PHEX: variants seen among roughly 807,000 people sequenced by gnomAD.
PHEX encodes phosphate-regulating neutral endopeptidase PHEX.
Under a neutral mutation model 68.0 loss-of-function variants are expected in PHEX, and 16 were observed. That is an observed-to-expected ratio of 0.24 (90% CI 0.16 to 0.36). The LOEUF is 0.36. Ranked by LOEUF, PHEX falls within the 10% of genes least tolerant of loss-of-function variation. The probability of loss-of-function intolerance (pLI) is 1.00; values close to 1 mark genes in which losing one functional copy is unlikely to be tolerated. For synonymous variants in PHEX, 208 were observed against 205.1 expected (o/e 1.01, Z -0.12); for missense variants, 480 against 575.5 (o/e 0.83, Z 1.70).
At chrX:22,137,502 C>T (rs764081003) in intron 12 of PHEX, among the ~76,000 whole-genome samples, 12 of 111,235 alleles carry the variant, frequency 1.1e-4, no homozygotes, top group Non-Finnish European at 3.8e-5. Flanking sequence ...TTGCAGAGGG[C>T]GAAACAGAGG....
chrX:22,111,354 A>G, intron 9 of PHEX, 113 bp from the exon 10 acceptor site: 1 of 617,921 alleles, frequency 1.6e-6, no homozygotes, highest in East Asian at 3.3e-5. Context: ...GCATTTTTGT[A>G]TGAGTAAGAG....
Position 22,048,095 on chromosome X carries a change from A to G in PHEX, c.349+884A>G, listed in dbSNP as rs201037366. ...ATTTTCCCAAGATTTTAAATACATG[A>G]AAATTAAATATGTATCATTTTACAA... On this transcript the variant is annotated intron_variant, in intron 3 of 21. Coordinates refer to ENST00000379374, the MANE Select transcript of PHEX (RefSeq NM_000444.6). Among the ~76,000 whole-genome samples the G allele has an allele frequency of 7.4e-4, 82 of 111,554 alleles. No individual in the cohort carries two copies. In the East Asian group the frequency reaches 0.021, roughly 29 times the overall value.
intron 11 of PHEX, among the ~76,000 whole-genome samples, chrX:22,125,605 A>G: frequency 9.0e-6 from 1 of 111,151 alleles, no homozygotes; most frequent in Non-Finnish European, 1.9e-5. Flanking sequence ...CTTAGAATGG[A>G]CTAGGCTAAC....
intron 14 of PHEX, among the ~76,000 whole-genome samples, chrX:22,179,485 C>T (rs1461575801): frequency 9.2e-6 from 1 of 109,034 alleles, no homozygotes; most frequent in Non-Finnish European, 1.9e-5. Flanking sequence ...CCCCCTCCCA[C>T]TCTTTCCCCC....
At chrX:22,230,226 GCTCTT>G (rs1935668856) in intron 20 of PHEX, among the ~76,000 whole-genome samples, 1 of 65,193 alleles carries the variant, frequency 1.5e-5, no homozygotes, top group Non-Finnish European at 2.8e-5. Context: ...GGCTATATGG[GCTCTT>G]TTTTTTTTTT....
intron 8 of PHEX, among the ~76,000 whole-genome samples, chrX:22,098,795 C>CAAAAAAAAAAAA (rs746223770): frequency 5.3e-4 from 6 of 11,374 alleles, no homozygotes; most frequent in African/African-American, 8.8e-4. Context: ...GAGAATGTCT[C>CAAAAAAAAAAAA]AAAAAAAAAA....
intron 3 of PHEX, among the ~76,000 whole-genome samples, chrX:22,058,483 A>G (rs1928216896): frequency 8.9e-6 from 1 of 112,483 alleles, no homozygotes; most frequent in Non-Finnish European, 1.9e-5. Context: ...ATTGTGATCT[A>G]GTTTTTTTTC....
intron 13 of PHEX, among the ~76,000 whole-genome samples, chrX:22,177,983 T>A (rs1311890526): frequency 8.9e-6 from 1 of 112,418 alleles, no homozygotes; most frequent in Non-Finnish European, 1.9e-5. Context: ...TGAAGTAGAT[T>A]TTTCAATTAG....
At chrX:22,157,837 C>A (rs1932997490) in intron 12 of PHEX, among the ~76,000 whole-genome samples, 1 of 111,905 alleles carries the variant, frequency 8.9e-6, no homozygotes, top group South Asian at 3.7e-4. Flanking sequence ...TCTTTCCTGT[C>A]TTTTACTTCT....
chrX:22,036,345 C>T (rs1927021237), intron 1 of PHEX, among the ~76,000 whole-genome samples: 1 of 110,014 alleles, frequency 9.1e-6, no homozygotes, highest in Non-Finnish European at 1.9e-5. Flanking sequence ...CAGGCCTGAG[C>T]CACCGTGCCT....
chrX:22,048,358 TTACTAA>T (rs1187510566), intron 3 of PHEX, among the ~76,000 whole-genome samples: 1 of 111,235 alleles, frequency 9.0e-6, no homozygotes, highest in African/African-American at 3.3e-5. Flanking sequence ...AGGAGTGAGT[TTACTAA>T]TACTTTTTTC....
chrX:22,221,570 T>G lies in PHEX; in HGVS notation c.1769-43T>G, dbSNP rs187937535. On this transcript the variant is annotated intron_variant, in intron 17 of 21. Transcript: ENST00000379374. ...AGGGAAAGGAAAGATGAATTTAGTT[T>G]CCATAAATAACACAAATGTCTTCGA... 387 of 1,134,897 alleles carry G rather than the reference T, an allele frequency of 3.4e-4. 1 individual carries two copies. The African/African-American group carries it at 5.9e-3, about 17-fold the overall frequency. 93.5% of individuals were successfully genotyped at this position (1,134,897 alleles called of 1,213,427 possible).
intron 4 of PHEX, among the ~76,000 whole-genome samples, chrX:22,076,871 T>A (rs1230554104): frequency 8.9e-6 from 1 of 111,845 alleles, no homozygotes; most frequent in Admixed American, 9.5e-5. Flanking sequence ...GCCAGGTTCC[T>A]GTGTCAGCCT....
intron 20 of PHEX, among the ~76,000 whole-genome samples, chrX:22,235,458 A>G (rs770350105): frequency 3.7e-4 from 42 of 112,030 alleles, no homozygotes; most frequent in Non-Finnish European, 6.8e-4. Flanking sequence ...GAAGTCTGCG[A>G]TCAGAGTGCT....
rs750804108 is a variant in PHEX at position 22,137,019 on chromosome X, G to A, written c.1404+3395G>A. On this transcript the variant is annotated intron_variant, in intron 12 of 21. Coordinates refer to ENST00000379374, the MANE Select transcript of PHEX (RefSeq NM_000444.6). ...TTGTAAATAAGCAGCAAAGGACAGG[G>A]CATCTGTTATTTTTCTGGTGACCAC... Among the ~76,000 whole-genome samples the A allele has an allele frequency of 2.7e-5, 3 of 112,025 alleles. No homozygotes were observed. The South Asian group carries it at 1.1e-3, about 42-fold the overall frequency.
At chrX:22,209,870 C>T (rs1252330890) in intron 15 of PHEX, among the ~76,000 whole-genome samples, 1 of 106,228 alleles carries the variant, frequency 9.4e-6, no homozygotes, top group African/African-American at 3.5e-5. Context: ...AGGAATGCCT[C>T]CCGTAAGTAC....
chrX:22,037,659 A>T (rs1449183819), intron 1 of PHEX, among the ~76,000 whole-genome samples: 1 of 109,878 alleles, frequency 9.1e-6, no homozygotes, highest in Non-Finnish European at 1.9e-5. Context: ...GGAAGGGAGG[A>T]AATAGCTGGA....
chrX:22,094,722 C>A (rs756367957), intron 7 of PHEX, among the ~76,000 whole-genome samples: 76 of 112,198 alleles, frequency 6.8e-4, no homozygotes, highest in African/African-American at 2.3e-3. Flanking sequence ...ATATACATGA[C>A]ACAGAACTAC....
chrX:22,248,313 A>C lies in PHEX; in HGVS notation c.*360A>C, dbSNP rs1012718966. On this transcript the variant is annotated 3_prime_UTR_variant, in exon 22 of 22. Transcript: ENST00000379374. Reference sequence around the variant, plus strand: ...ATCTATAGCTTTGTGGGAAGCCTAAATTGATGTATCCTTTAAAAGTTCAAT... The same window carrying C: ...ATCTATAGCTTTGTGGGAAGCCTAACTTGATGTATCCTTTAAAAGTTCAAT... 8 of 215,631 alleles carry C rather than the reference A, an allele frequency of 3.7e-5. No individual in the cohort carries two copies. The highest frequency in any genetic ancestry group is 1.6e-3 in the Middle Eastern group (1 of 610). The allele number at this position is 215,631 out of a possible 1,213,427, so 17.8% of individuals were successfully genotyped here.
Sources: allele counts gnomAD v4.1 joint callset (sites outside exome capture counted in the v4.1 genomes callset), GRCh38; gene constraint gnomAD v4.1.1; transcripts MANE v1.5; gene names NCBI Gene and HGNC (gene_info 2026-07-23, HGNC 2026-07-21).